Variants in JPH2 observed in about 807,000 individuals in gnomAD.
JPH2 encodes the protein junctophilin 2.
JPH2 carries 38 observed loss-of-function variants against 55.9 expected under a neutral mutation model. That is an observed-to-expected ratio of 0.68 (90% CI 0.52 to 0.89). The LOEUF (loss-of-function observed/expected upper bound fraction) is 0.89, where lower values mean the gene tolerates loss of function less well. JPH2 is among the 40% of genes least tolerant of loss of function. JPH2 has a pLI of 0.00. For synonymous variants in JPH2, 480 were observed against 472.4 expected, an observed-to-expected ratio of 1.02 and a Z score of -0.21; for missense variants, 964 against 1,037.6, an observed-to-expected ratio of 0.93 and a Z score of 0.97.
At position 44,160,283 on chromosome 20, in the gene JPH2, G is replaced by T; in HGVS notation, c.504C>A (p.Ser168Arg). Reference protein sequence around the residue: ...PLRTSLSSLRSEHSNGTVAPD... With the variant: ...PLRTSLSSLRREHSNGTVAPD... ...GGGCCACCGTGCCGTTGCTGTGCTC[G>T]CTGCGCAGGGACGACAGCGACGTGC... is the stretch of plus-strand genomic sequence containing the variant. Residue 168 changes from serine (S) to arginine (R), a missense_variant, in exon 2 of 6, where the codon AGC becomes AGA. Coordinates refer to ENST00000372980, the MANE Select transcript of JPH2 (RefSeq NM_020433.5). This position sits in a 1 kb window ranked among gnomAD's most constrained non-coding sequence, Gnocchi z 4.9. The T allele has an allele frequency of 6.5e-7, 1 of 1,537,732 alleles. No individual in the cohort carries two copies. The highest frequency in any genetic ancestry group is 8.7e-7 in the Non-Finnish European group (1 of 1,144,346).
At chr20:44,137,109 T>C (rs2072418279) in intron 2 of JPH2, among the ~76,000 whole-genome samples, 1 of 152,198 alleles carries the variant, frequency 6.6e-6, no homozygotes, top group Non-Finnish European at 1.5e-5. Context: ...ACATAGTAGG[T>C]ACCCCATGAA....
Position 44,134,585 on chromosome 20 carries a change from TATATATAA to T in JPH2, c.1170-15970_1170-15963del, listed in dbSNP as rs1374956382. Among the ~76,000 whole-genome samples the T allele has an allele frequency of 2.2e-3, 55 of 24,970 alleles. 13 individuals are homozygous for T. The highest frequency in any genetic ancestry group is 5.6e-3 in the African/African-American group (29 of 5,208). The allele number at this position is 24,970 out of a possible 152,430, so 16.4% of individuals were successfully genotyped here. ...TAAATAAATATATATTTATTATAAA[TATATATAA>T]ATATATATTTATTATAAATATAATA... On this transcript the variant is annotated intron_variant, in intron 2 of 5. Coordinates refer to ENST00000372980, the MANE Select transcript of JPH2 (RefSeq NM_020433.5).
At position 44,160,552 on chromosome 20, in the gene JPH2, C is replaced by T; in HGVS notation, c.380-145G>A. 1.2e-6 allele frequency: 1 copy of T among 810,558 alleles called. No homozygotes were observed. Among genetic ancestry groups the T allele is most frequent in the South Asian group, 1.5e-5 (1 of 67,700 alleles). The allele number at this position is 810,558 out of a possible 1,614,324, so 50.2% of individuals were successfully genotyped here. A position where few individuals can be genotyped will look rare whatever the true frequency, so the allele number is the denominator to read the frequency against. On this transcript the variant is annotated intron_variant, in intron 1 of 5. Transcript: ENST00000372980. The surrounding 1 kb of genome is among the most constrained non-coding windows in gnomAD (Gnocchi z 4.9). Reference sequence around the variant, plus strand: ...CGTCTGAGGGTCAGGGTGCACAGTGCTATGAGTGTTTGAGTCTACTCGAGT... The same window carrying T: ...CGTCTGAGGGTCAGGGTGCACAGTGTTATGAGTGTTTGAGTCTACTCGAGT...
At chr20:44,125,585 T>C (rs551233153) in intron 2 of JPH2, among the ~76,000 whole-genome samples, 20 of 152,278 alleles carry the variant, frequency 1.3e-4, no homozygotes, top group African/African-American at 4.8e-4. Context: ...TGGAAATGAA[T>C]AGGACCCAGC....
rs181322774 is a variant in JPH2 at position 44,135,445 on chromosome 20, C to T, written c.1170-16822G>A. On this transcript the variant is annotated intron_variant, in intron 2 of 5. Transcript: ENST00000372980. Reference sequence around the variant, plus strand: ...TCTCCTGGGAACTCTTGTCTCCATCCCCATCTTTCGGTTCTTTATCTGGTG... The same window carrying T: ...TCTCCTGGGAACTCTTGTCTCCATCTCCATCTTTCGGTTCTTTATCTGGTG... Among the ~76,000 whole-genome samples, 292 of 152,198 alleles carry T rather than the reference C, an allele frequency of 1.9e-3. 2 individuals are homozygous for T. Among genetic ancestry groups the T allele is most frequent in the African/African-American group, 6.5e-3 (268 of 41,506 alleles).
intron 2 of JPH2, among the ~76,000 whole-genome samples, chr20:44,142,608 C>A (rs2072465792): frequency 6.6e-6 from 1 of 152,204 alleles, no homozygotes. Flanking sequence ...AGGCCTTCCT[C>A]AGTGAGGCCA....
At chr20:44,167,809 A>C (rs1378399406) in intron 1 of JPH2, among the ~76,000 whole-genome samples, 1 of 152,218 alleles carries the variant, frequency 6.6e-6, no homozygotes, top group East Asian at 1.9e-4. Flanking sequence ...TTGTTCATAC[A>C]ACCCTTTGCA....
At chr20:44,137,401 G>A (rs189258476) in intron 2 of JPH2, among the ~76,000 whole-genome samples, 18 of 152,158 alleles carry the variant, frequency 1.2e-4, no homozygotes, top group East Asian at 3.9e-4. Flanking sequence ...GGCCTCCCCC[G>A]CCTCCCGCCC....
At chr20:44,178,971 A>G (rs2072758331) in intron 1 of JPH2, among the ~76,000 whole-genome samples, 1 of 152,256 alleles carries the variant, frequency 6.6e-6, no homozygotes, top group South Asian at 2.1e-4. Context: ...TCCCGTGTTC[A>G]GAGTCAATTG....
intron 2 of JPH2, among the ~76,000 whole-genome samples, chr20:44,154,525 C>T (rs1460149935): frequency 1.3e-5 from 2 of 152,204 alleles, no homozygotes; most frequent in Non-Finnish European, 2.9e-5. Context: ...ATCCATAGCT[C>T]ATTTTACAGG....
intron 2 of JPH2, among the ~76,000 whole-genome samples, chr20:44,124,846 G>A (rs560462898): frequency 4.5e-4 from 68 of 151,358 alleles, no homozygotes; most frequent in Admixed American, 1.5e-3. Context: ...GGTGGCTCAC[G>A]CATGTAATCC....
intron 2 of JPH2, among the ~76,000 whole-genome samples, chr20:44,128,834 A>G (rs1450863425): frequency 2.0e-5 from 3 of 152,148 alleles, no homozygotes; most frequent in African/African-American, 7.2e-5. Context: ...TTACAGGGGC[A>G]TGTCACAGTA....
chr20:44,125,313 C>T (rs1325929478), intron 2 of JPH2, among the ~76,000 whole-genome samples: 1 of 148,562 alleles, frequency 6.7e-6, no homozygotes, highest in Non-Finnish European at 1.5e-5. Flanking sequence ...CTGCCGACCC[C>T]TGTACTAATG....
rs73289259 is a variant in JPH2 at position 44,139,658 on chromosome 20, A to C, written c.1169+19960T>G. 6.4e-3 allele frequency among the ~76,000 whole-genome samples: 973 copies of C among 152,340 alleles called. 11 individuals are homozygous for C. Among genetic ancestry groups the C allele is most frequent in the African/African-American group, 0.022 (918 of 41,574 alleles). The stretch of plus-strand genomic sequence containing the variant: ...AGGAATCTATACATTTGTTTATATT[A>C]GGTTGAACAGTATGAAATTGCCATT... On this transcript the variant is annotated intron_variant, in intron 2 of 5. Coordinates refer to ENST00000372980, the MANE Select transcript of JPH2 (RefSeq NM_020433.5).
chr20:44,138,039 G>T (rs1387772718), intron 2 of JPH2, among the ~76,000 whole-genome samples: 3 of 143,434 alleles, frequency 2.1e-5, no homozygotes, highest in South Asian at 2.2e-4. Context: ...ACGGAGTCTT[G>T]CCCTATCACC....
rs2072113237 is a variant in JPH2, at chr20:44,107,100, C to T, written c.*6418G>A. ...TTGCAGCTTAGGTGACTCTCAGTGT[C>T]TGCTCCTGCAGAATCCAATCAGTGA... On this transcript the variant is annotated 3_prime_UTR_variant, in exon 6 of 6. Coordinates refer to ENST00000372980, the MANE Select transcript of JPH2 (RefSeq NM_020433.5). Among the ~76,000 whole-genome samples, 1 of 152,178 alleles carries T rather than the reference C, an allele frequency of 6.6e-6. No homozygotes were observed. The highest frequency in any genetic ancestry group is 1.5e-5 in the Non-Finnish European group (1 of 68,038).
intron 1 of JPH2, among the ~76,000 whole-genome samples, chr20:44,174,014 G>A (rs2072716463): frequency 6.6e-6 from 1 of 152,166 alleles, no homozygotes; most frequent in Admixed American, 6.5e-5. Flanking sequence ...CCCATCCTGT[G>A]TCCACAACTG....
intron 2 of JPH2, among the ~76,000 whole-genome samples, chr20:44,129,106 T>C (rs1229506840): frequency 2.6e-5 from 4 of 152,206 alleles, no homozygotes; most frequent in South Asian, 2.1e-4. Context: ...GATTCTGAGG[T>C]TGGGGGCTGT....
intron 2 of JPH2, among the ~76,000 whole-genome samples, chr20:44,156,633 C>A (rs2072568443): frequency 6.6e-6 from 1 of 152,174 alleles, no homozygotes; most frequent in Admixed American, 6.5e-5. Flanking sequence ...GATCCTCACA[C>A]AGCAGAAGGC....
Sources: gnomAD v4.1 joint callset for allele counts (sites outside exome capture counted in the v4.1 genomes callset) on GRCh38, gnomAD v4.1.1 for gene constraint, Gnocchi (gnomAD v3.1) non-coding constraint, MANE v1.5 for transcripts, NCBI Gene and HGNC (gene_info 2026-07-23, HGNC 2026-07-21) for gene names.